The following CDK17 variants were observed in gnomAD, a reference collection of about 807,000 sequenced individuals.
CDK17 encodes cyclin-dependent kinase 17.
A neutral mutation model predicts 77.6 loss-of-function variants in CDK17; 24 were observed. The ratio of observed to expected loss-of-function variants is 0.31; its 90% CI spans 0.22 to 0.44. The LOEUF (loss-of-function observed/expected upper bound fraction) is 0.44. Among genes scored for constraint, CDK17 ranks in the 20% least tolerant of loss-of-function variants. The pLI is 1.00. For missense variants in CDK17, 429 were observed against 622.5 expected, an observed-to-expected ratio of 0.69 and a Z score of 3.31; for synonymous variants, 203 against 210.4, an observed-to-expected ratio of 0.96 and a Z score of 0.30.
chr12:96,340,016 A>G (rs1231749227), intron 1 of CDK17, among the ~76,000 whole-genome samples: 3 of 152,090 alleles, frequency 2.0e-5, no homozygotes, highest in African/African-American at 7.2e-5. Context: ...TGCCTTTTAA[A>G]AAGTTTTCAA....
intron 1 of CDK17, among the ~76,000 whole-genome samples, chr12:96,350,544 C>T (rs1953294849): frequency 1.3e-5 from 2 of 151,992 alleles, no homozygotes. Context: ...TATAGACCAA[C>T]AGAATAGAAT....
At chr12:96,320,061 C>T (rs1461207517) in intron 3 of CDK17, among the ~76,000 whole-genome samples, 1 of 152,038 alleles carries the variant, frequency 6.6e-6, no homozygotes, top group East Asian at 1.9e-4. Context: ...CGTCTCAGCC[C>T]AAAATCTCCT....
At chr12:96,338,029 T>C (rs1037327203) in intron 1 of CDK17, among the ~76,000 whole-genome samples, 9 of 152,224 alleles carry the variant, frequency 5.9e-5, no homozygotes, top group Admixed American at 1.3e-4. Flanking sequence ...GGTTAATGCT[T>C]GTTTTTGTAT....
chr12:96,334,912 C>A, intron 1 of CDK17, 47 bp from the exon 2 acceptor site: 1 of 798,556 alleles, frequency 1.3e-6, no homozygotes, highest in Non-Finnish European at 2.1e-6. Flanking sequence ...AATATTTTAC[C>A]ACTGAAGAAA....
chr12:96,326,707 TC>T (rs1952895706), intron 2 of CDK17, among the ~76,000 whole-genome samples: 1 of 152,202 alleles, frequency 6.6e-6, no homozygotes, highest in Non-Finnish European at 1.5e-5. Context: ...TCTAACAAAT[TC>T]CCAGGTCCTG....
At chr12:96,326,350 G>A (rs1435942560) in intron 2 of CDK17, among the ~76,000 whole-genome samples, 4 of 152,156 alleles carry the variant, frequency 2.6e-5, no homozygotes, top group African/African-American at 9.7e-5. Context: ...GTAATGACAG[G>A]CGATATGCAA....
At chr12:96,348,523 C>CAAAAAAAAAAAAAAAAAAACAAA (rs1953263076) in intron 1 of CDK17, among the ~76,000 whole-genome samples, 1 of 66,372 alleles carries the variant, frequency 1.5e-5, no homozygotes, top group Admixed American at 1.8e-4. Context: ...GACTCTGTCT[C>CAAAAAAAAAAAAAAAAAAACAAA]AAAAAAAAAA....
chr12:96,315,166 T>C (rs1012285550), intron 3 of CDK17, among the ~76,000 whole-genome samples: 4 of 152,226 alleles, frequency 2.6e-5, no homozygotes, highest in East Asian at 1.9e-4. Context: ...TGTGAGACAA[T>C]TGTATTTTAT....
chr12:96,394,487 C>G (rs1954132536), intron 1 of CDK17, among the ~76,000 whole-genome samples: 1 of 151,924 alleles, frequency 6.6e-6, no homozygotes, highest in Non-Finnish European at 1.5e-5. Flanking sequence ...TTTACACTAA[C>G]AAATGCATAA....
chr12:96,395,000 C>T (rs1296870532), intron 1 of CDK17, among the ~76,000 whole-genome samples: 4 of 151,768 alleles, frequency 2.6e-5, no homozygotes, highest in African/African-American at 7.3e-5. Flanking sequence ...CTCAGCCTCC[C>T]GAGTAGCTGG....
rs570113613 is a variant in CDK17, at chr12:96,354,960, C to T, written c.-29-20095G>A. 2.0e-5 allele frequency among the ~76,000 whole-genome samples: 3 copies of T among 152,152 alleles called. No individual in the cohort carries two copies. In the East Asian group the frequency reaches 5.8e-4, roughly 29 times the overall value. Reference sequence around the variant, plus strand: ...CACCTCTGCCCTCCCTGCCCCACTGCCCATAGTGTATTTCTATACAGCAGC... The same window carrying T: ...CACCTCTGCCCTCCCTGCCCCACTGTCCATAGTGTATTTCTATACAGCAGC... On this transcript the variant is annotated intron_variant, in intron 1 of 16. Coordinates refer to ENST00000261211, the MANE Select transcript of CDK17 (RefSeq NM_002595.5).
At chr12:96,346,887 C>T (rs1411365431) in intron 1 of CDK17, among the ~76,000 whole-genome samples, 2 of 151,644 alleles carry the variant, frequency 1.3e-5, no homozygotes, top group East Asian at 3.9e-4. Context: ...CGCACTCCAG[C>T]CTGGTGAGGG....
chr12:96,320,617 T>C (rs1304742650), intron 3 of CDK17, among the ~76,000 whole-genome samples: 1 of 151,522 alleles, frequency 6.6e-6, no homozygotes, highest in Non-Finnish European at 1.5e-5. Flanking sequence ...GAGATATAGA[T>C]CAATGGAACA....
At chr12:96,300,161 C>CT (rs1309782340) in intron 6 of CDK17, 143 bp downstream of exon 6, 11 of 619,598 alleles carry the variant, frequency 1.8e-5, no homozygotes, top group Admixed American at 1.0e-4. Flanking sequence ...CCTAGAAACT[C>CT]TGTTACCTTT....
chr12:96,365,891 T>C (rs956662441), intron 1 of CDK17, among the ~76,000 whole-genome samples: 1 of 152,192 alleles, frequency 6.6e-6, no homozygotes, highest in Non-Finnish European at 1.5e-5. Flanking sequence ...AAAAAAGTTT[T>C]TATTTTTAAA....
rs1012464061 is a variant in CDK17, at chr12:96,399,999, G to A, written c.-43C>T. The A allele has an allele frequency of 5.2e-6, 2 of 382,996 alleles. No homozygotes were observed. The highest frequency in any genetic ancestry group is 4.2e-5 in the African/African-American group (2 of 47,928). 23.7% of individuals were successfully genotyped at this position (382,996 alleles called of 1,614,324 possible). On this transcript the variant is annotated 5_prime_UTR_variant, in exon 1 of 17. Transcript: ENST00000261211. ...CCGCCAACTCACCAGCAAGAGCGGGGACCGCGGGTCCCGAGGCGAGGCGAA... is the reference window on the plus strand; with the variant it reads ...CCGCCAACTCACCAGCAAGAGCGGGAACCGCGGGTCCCGAGGCGAGGCGAA...
At chr12:96,395,617 T>G (rs1954156383) in intron 1 of CDK17, among the ~76,000 whole-genome samples, 1 of 152,184 alleles carries the variant, frequency 6.6e-6, no homozygotes, top group Non-Finnish European at 1.5e-5. Context: ...AAAGTTTATG[T>G]TATGGACTGA....
intron 1 of CDK17, among the ~76,000 whole-genome samples, chr12:96,353,188 G>T (rs1953337981): frequency 6.6e-6 from 1 of 152,108 alleles, no homozygotes; most frequent in Non-Finnish European, 1.5e-5. Context: ...ACATTCACAT[G>T]AATTCCATCA....
chr12:96,343,053 AAAAG>A (rs1383603810), intron 1 of CDK17, among the ~76,000 whole-genome samples: 1 of 152,244 alleles, frequency 6.6e-6, no homozygotes, highest in East Asian at 1.9e-4. Flanking sequence ...AAACTAGAAA[AAAAG>A]AAATGTACCA....
Sources: allele counts gnomAD v4.1 joint callset (sites outside exome capture counted in the v4.1 genomes callset), GRCh38; gene constraint gnomAD v4.1.1; transcripts MANE v1.5; gene names NCBI Gene and HGNC (gene_info 2026-07-23, HGNC 2026-07-21).